HUWE1: variants seen among roughly 807,000 people sequenced by gnomAD.
HUWE1 encodes the protein E3 ubiquitin-protein ligase HUWE1.
Under a neutral mutation model 299.4 loss-of-function variants are expected in HUWE1, and 18 were observed. The observed-to-expected ratio is 0.06, with a 90% CI of 0.04 to 0.09. HUWE1 has a LOEUF of 0.09. Ranked by LOEUF, HUWE1 falls within the 10% of genes least tolerant of loss-of-function variation. The pLI is 1.00. For synonymous variants in HUWE1, 1,317 were observed against 1,286.1 expected, an observed-to-expected ratio of 1.02 and a Z score of -0.51; for missense variants, 1,832 against 3,462.3, an observed-to-expected ratio of 0.53 and a Z score of 11.82.
In HUWE1 at chrX:53,565,100, A is replaced by G; in HGVS notation, c.6847T>C (p.Ser2283Pro). The stretch of plus-strand genomic sequence containing the variant: ...TGCTGGTTGCTACTGGAATCTTGAG[A>G]GGCTCCTTGGGCATCCTGCTCAGAC... ...NKSEQDAQGASQDSSSNQQDP... is the reference protein window; with the variant it reads ...NKSEQDAQGAPQDSSSNQQDP... The change falls in exon 50 of 84, where the codon TCT (serine) becomes CCT (proline). Residue 2283 changes from serine to proline, a missense_variant. Ser to Pro is a moderately conservative substitution (Grantham distance 74, BLOSUM62 -1). Around this residue, in one of 15 missense-constraint regions of HUWE1, gnomAD observed 26 missense variants for 20.7 expected, o/e 1.26. Coordinates refer to ENST00000262854, the MANE Select transcript of HUWE1 (RefSeq NM_031407.7). 2 of 1,211,581 alleles carry G rather than the reference A, an allele frequency of 1.7e-6. No homozygotes were observed. The highest frequency in any genetic ancestry group is 2.2e-6 in the Non-Finnish European group (2 of 895,365).
At chrX:53,622,744 T>C (rs1270743925) in intron 19 of HUWE1, among the ~76,000 whole-genome samples, 3 of 111,655 alleles carry the variant, frequency 2.7e-5, no homozygotes, top group Non-Finnish European at 5.6e-5. Context: ...TGATCATTAA[T>C]AAAGAAAAGG....
At chrX:53,566,133 G>GTGTATATATA (rs782815282) in intron 49 of HUWE1, among the ~76,000 whole-genome samples, 1,738 of 38,808 alleles carry the variant, frequency 0.045, 80 homozygotes, top group Non-Finnish European at 0.053. Context: ...GTGTGTGTGT[G>GTGTATATATA]TATATATATA....
At chrX:53,548,600 C>A (rs2061645026) in intron 67 of HUWE1, among the ~76,000 whole-genome samples, 1 of 112,230 alleles carries the variant, frequency 8.9e-6, no homozygotes, top group Non-Finnish European at 1.9e-5. Flanking sequence ...ACAAGGCAGG[C>A]CTTTGATAGA....
chrX:53,615,853 A>G lies in HUWE1; in HGVS notation c.1958-18T>C. 1 of 1,119,541 alleles carries G rather than the reference A, an allele frequency of 8.9e-7. No individual in the cohort carries two copies. 92.3% of individuals were successfully genotyped at this position (1,119,541 alleles called of 1,213,427 possible). ...AGTATCCCCTTAAGGCAAAAAATGA[A>G]CTGTTAGAATTAGAAAGACTGAAGA... On this transcript the variant is annotated intron_variant, in intron 21 of 83. Transcript: ENST00000262854.
rs2066586691 is a variant in HUWE1, at chrX:53,627,454, G to A, written c.1445C>T (p.Pro482Leu). 3 of 1,199,781 alleles carry A rather than the reference G, an allele frequency of 2.5e-6. No homozygotes were observed. In the South Asian group the frequency reaches 5.3e-5, roughly 21 times the overall value. ...TTCCTCTCCTTCTTGTGTAGTATTG[G>A]GTCTCTGGATCTTTGGCTTGATCAC... ...PFVIKPKIQRPNTTQEGEEME... is the reference protein window; with the variant it reads ...PFVIKPKIQRLNTTQEGEEME... Residue 482 changes from proline to leucine, a missense_variant, in exon 17 of 84, where the codon CCC (proline) becomes CTC (leucine). Coordinates refer to ENST00000262854, the MANE Select transcript of HUWE1 (RefSeq NM_031407.7).
In HUWE1 at chrX:53,604,570, C is replaced by T. The variant is rs1556994815; in HGVS notation, c.2742+19G>A. ...CACTGCCTTTAAATTAATATGTTCA[C>T]CCCTAAGGTTATTTTTACCTGTCCA... On this transcript the variant is annotated intron_variant, in intron 26 of 83. Coordinates refer to ENST00000262854, the MANE Select transcript of HUWE1 (RefSeq NM_031407.7). 1.7e-6 allele frequency: 2 copies of T among 1,206,767 alleles called. No homozygotes were observed. Among genetic ancestry groups the T allele is most frequent in the South Asian group, 1.8e-5 (1 of 56,678 alleles).
chrX:53,674,071 A>G (rs2069689772), intron 3 of HUWE1, among the ~76,000 whole-genome samples: 2 of 111,759 alleles, frequency 1.8e-5, no homozygotes, highest in Admixed American at 9.5e-5. Flanking sequence ...ATGACTTGAT[A>G]TTATCAAATT....
rs2060843972 is a variant in HUWE1 at position 53,533,162 on chromosome X, G to A, written c.*147C>T. On this transcript the variant is annotated 3_prime_UTR_variant, in exon 84 of 84. Transcript: ENST00000262854. The stretch of plus-strand genomic sequence containing the variant: ...AGAAGAGGAACAGGTATGCGCTGGG[G>A]AAGATGGGGCAGCTGGGACACACAC... 4.1e-6 allele frequency: 2 copies of A among 483,108 alleles called. No homozygotes were observed. The highest frequency in any genetic ancestry group is 6.3e-5 in the Admixed American group (2 of 31,904). 39.8% of individuals were successfully genotyped at this position (483,108 alleles called of 1,213,427 possible). A position where few individuals can be genotyped will look rare whatever the true frequency, so the allele number is the denominator to read the frequency against.
intron 19 of HUWE1, among the ~76,000 whole-genome samples, chrX:53,619,067 G>A (rs1395327079): frequency 9.0e-6 from 1 of 111,471 alleles, no homozygotes; most frequent in East Asian, 2.8e-4. Context: ...GAACAAACTT[G>A]TTTATGGTGA....
chrX:53,589,533 C>G lies in HUWE1; in HGVS notation c.4461+14G>C, dbSNP rs782515462. 1 of 1,208,589 alleles carries G rather than the reference C, an allele frequency of 8.3e-7. No homozygotes were observed. Among genetic ancestry groups the G allele is most frequent in the South Asian group, 1.8e-5 (1 of 56,936 alleles). On this transcript the variant is annotated intron_variant, in intron 36 of 83. Coordinates refer to ENST00000262854, the MANE Select transcript of HUWE1 (RefSeq NM_031407.7). ...CTTCACATACTCCCCTCTTCTGACC[C>G]CTTGAGAGCTCACCTGATTGACTAC... is the stretch of plus-strand genomic sequence containing the variant.
chrX:53,619,808 G>A (rs2066028081), intron 19 of HUWE1, among the ~76,000 whole-genome samples: 1 of 111,413 alleles, frequency 9.0e-6, no homozygotes, highest in South Asian at 3.8e-4. Flanking sequence ...GAAAGTCAAG[G>A]TTACAGAGAA....
chrX:53,636,823 T>C (rs1248823735), intron 7 of HUWE1, among the ~76,000 whole-genome samples: 1 of 110,160 alleles, frequency 9.1e-6, no homozygotes, highest in Non-Finnish European at 1.9e-5. Context: ...ATTACCTAAG[T>C]AAGAAGAAAA....
chrX:53,579,514 G>A (rs2063495983), intron 43 of HUWE1, among the ~76,000 whole-genome samples: 1 of 111,222 alleles, frequency 9.0e-6, no homozygotes, highest in African/African-American at 3.3e-5. Context: ...AAGGCGGGAA[G>A]GGTGGGGAAG....
chrX:53,624,654 G>A lies in HUWE1; in HGVS notation c.1613C>T (p.Thr538Ile). 1.7e-6 allele frequency: 2 copies of A among 1,201,092 alleles called. No homozygotes were observed. The highest frequency in any genetic ancestry group is 2.3e-6 in the Non-Finnish European group (2 of 885,784). Residue 538 changes from threonine to isoleucine, a missense_variant, in exon 19 of 84, where the codon ACC (threonine) becomes ATC (isoleucine). This residue lies in a region of HUWE1 where 658 missense variants were observed against 1,282.6 expected (regional missense o/e 0.51). Coordinates refer to ENST00000262854, the MANE Select transcript of HUWE1 (RefSeq NM_031407.7). ...IRHVMDGSLPTSLKHIISNAE... is the reference protein window; with the variant it reads ...IRHVMDGSLPISLKHIISNAE... ...ATTGCTGATGATGTGTTTCAGGGAGGTAGGCAGAGAACCATCCATCACTAA... is the reference window on the plus strand; with the variant it reads ...ATTGCTGATGATGTGTTTCAGGGAGATAGGCAGAGAACCATCCATCACTAA...
intron 77 of HUWE1, among the ~76,000 whole-genome samples, chrX:53,538,073 G>C (rs2061146693): frequency 9.0e-6 from 1 of 111,681 alleles, no homozygotes; most frequent in Non-Finnish European, 1.9e-5. Context: ...ACCCCCAACG[G>C]ATGGAACAGA....
rs782531751 is a variant in HUWE1 at position 53,556,663 on chromosome X, G to A, written c.8206+719C>T. Among the ~76,000 whole-genome samples, 3 of 111,497 alleles carry A rather than the reference G, an allele frequency of 2.7e-5. No individual in the cohort carries two copies. In the Admixed American group the frequency reaches 2.9e-4, roughly 11 times the overall value. On this transcript the variant is annotated intron_variant, in intron 60 of 83. Coordinates refer to ENST00000262854, the MANE Select transcript of HUWE1 (RefSeq NM_031407.7). ...TACGGCAGTCATACCACTAAGCCCA[G>A]AGAGCTACCTTCATGAACAGCACAC...
Position 53,686,665 on chromosome X carries a change from C to CTCCAGCCCTGG in HUWE1, c.-340_-339insCCAGGGCTGGA. On this transcript the variant is annotated 5_prime_UTR_variant, in exon 1 of 84. Coordinates refer to ENST00000262854, the MANE Select transcript of HUWE1 (RefSeq NM_031407.7). ...CTGCTTCAGCCCTGCTTCAGCCCTG[C>CTCCAGCCCTGG]TCCAGCCCTGCTCCAGCCCTGCTCC... 1 of 123,931 alleles carries CTCCAGCCCTGG rather than the reference C, an allele frequency of 8.1e-6. No homozygotes were observed. Among genetic ancestry groups the CTCCAGCCCTGG allele is most frequent in the East Asian group, 2.6e-4 (1 of 3,861 alleles). 10.2% of individuals were successfully genotyped at this position (123,931 alleles called of 1,213,427 possible).
At chrX:53,618,718 C>T (rs1304932651) in intron 19 of HUWE1, among the ~76,000 whole-genome samples, 1 of 109,920 alleles carries the variant, frequency 9.1e-6, no homozygotes, top group African/African-American at 3.3e-5. Flanking sequence ...GCACCCAACA[C>T]GCCTGGCTGA....
In HUWE1 at chrX:53,532,570, C is replaced by G. The variant is rs1177458078; in HGVS notation, c.*739G>C. 9.4e-6 allele frequency: 1 copy of G among 106,524 alleles called. No homozygotes were observed. The highest frequency in any genetic ancestry group is 1.9e-5 in the Non-Finnish European group (1 of 51,869). The allele number at this position is 106,524 out of a possible 1,213,427, so 8.8% of individuals were successfully genotyped here. ...CAGCTCCCATTCTAAAAAAAAAAAA[C>G]AGATGCCCCCACCCCCAATTCCTGG... On this transcript the variant is annotated 3_prime_UTR_variant, in exon 84 of 84. Transcript: ENST00000262854.
Sources: gnomAD v4.1 joint callset for allele counts (sites outside exome capture counted in the v4.1 genomes callset) on GRCh38, gnomAD v4.1.1 for gene constraint, gnomAD v4.1.1 regional missense constraint, MANE v1.5 for transcripts, NCBI Gene and HGNC (gene_info 2026-07-23, HGNC 2026-07-21) for gene names.